The following VAV2 variants were observed in gnomAD, a reference collection of about 807,000 sequenced individuals.
VAV2 encodes the protein guanine nucleotide exchange factor VAV2.
In VAV2, 67 loss-of-function variants were observed where a neutral mutation model predicts 132.5. That is an observed-to-expected ratio of 0.51 (90% CI 0.42 to 0.62). The LOEUF is 0.62. Among genes scored for constraint, VAV2 ranks in the 20% least tolerant of loss-of-function variants. The pLI, the probability that VAV2 is intolerant of heterozygous loss-of-function variation, is 0.00. For synonymous variants in VAV2, 492 were observed against 443.5 expected (o/e 1.11, Z -1.37); for missense variants, 938 against 1,153.6 (o/e 0.81, Z 2.71).
At chr9:133,781,932 A>G (rs1241424225) in intron 19 of VAV2, among the ~76,000 whole-genome samples, 5 of 151,916 alleles carry the variant, frequency 3.3e-5, no homozygotes, top group African/African-American at 1.2e-4. Flanking sequence ...TCAAAACCAT[A>G]CAGAGATGGG....
In VAV2 at chr9:133,936,057, C is replaced by T. The variant is rs376359889; in HGVS notation, c.321+3046G>A. Reference sequence around the variant, plus strand: ...GAGACCCTGCACACATGGCTTGACCCGCTCAAGGGAACTTTGAGGGTGGGA... The same window carrying T: ...GAGACCCTGCACACATGGCTTGACCTGCTCAAGGGAACTTTGAGGGTGGGA... On this transcript the variant is annotated intron_variant, in intron 2 of 29. Transcript: ENST00000371850. Among the ~76,000 whole-genome samples, 717 of 152,272 alleles carry T rather than the reference C, an allele frequency of 4.7e-3. 7 individuals are homozygous for T. The highest frequency in any genetic ancestry group is 0.017 in the African/African-American group (695 of 41,534).
chr9:133,973,249 C>T (rs935020040), intron 1 of VAV2, among the ~76,000 whole-genome samples: 5 of 152,304 alleles, frequency 3.3e-5, no homozygotes, highest in African/African-American at 9.6e-5. Flanking sequence ...GCGCTCAGCC[C>T]GCCCAGAGCG....
intron 1 of VAV2, among the ~76,000 whole-genome samples, chr9:133,967,492 C>T (rs976419093): frequency 6.6e-6 from 1 of 152,146 alleles, no homozygotes; most frequent in Non-Finnish European, 1.5e-5. Flanking sequence ...ACCTAAATAT[C>T]AGTGAATGAA....
rs1191321726 is a variant in VAV2, at chr9:133,833,065, C to A, written c.449+1207G>T. Among the ~76,000 whole-genome samples the A allele has an allele frequency of 6.6e-6, 1 of 152,120 alleles. No individual in the cohort carries two copies. Among genetic ancestry groups the A allele is most frequent in the African/African-American group, 2.4e-5 (1 of 41,428 alleles). ...CTGGCCAGTGGGATTTGCCAAGGAC[C>A]CCGTGGCCAGCCCAGCATCAAAGGG... On this transcript the variant is annotated intron_variant, in intron 4 of 29. Coordinates refer to ENST00000371850, the MANE Select transcript of VAV2 (RefSeq NM_001134398.2). This position sits in a 1 kb window ranked among gnomAD's most constrained non-coding sequence, Gnocchi z 5.6.
At chr9:133,853,860 T>C (rs914210502) in intron 3 of VAV2, among the ~76,000 whole-genome samples, 4 of 151,940 alleles carry the variant, frequency 2.6e-5, no homozygotes, top group Non-Finnish European at 5.9e-5. Context: ...CCAGGGAGGA[T>C]CCAAAACACT....
intron 20 of VAV2, 149 bp downstream of exon 20, chr9:133,780,545 C>G: frequency 1.0e-6 from 1 of 969,242 alleles, no homozygotes; most frequent in Non-Finnish European, 1.4e-6. Context: ...CCAAGGAAAG[C>G]AGAGGCATCT....
chr9:133,861,200 C>A (rs771154179), intron 3 of VAV2, 174 bp downstream of exon 3: 1 of 620,018 alleles, frequency 1.6e-6, no homozygotes, highest in Non-Finnish European at 2.6e-6. Flanking sequence ...AGCCTCCCGC[C>A]CCCCACACCC....
chr9:133,808,789 C>T (rs1400939253), intron 7 of VAV2, among the ~76,000 whole-genome samples: 1 of 152,204 alleles, frequency 6.6e-6, no homozygotes, highest in African/African-American at 2.4e-5. Context: ...GTAATCCCAC[C>T]CCGATTAAGC....
At chr9:133,932,526 C>A (rs1588389443) in intron 2 of VAV2, among the ~76,000 whole-genome samples, 1 of 152,160 alleles carries the variant, frequency 6.6e-6, no homozygotes, top group Non-Finnish European at 1.5e-5. Context: ...CTGGAACTTG[C>A]GGGGTGAGTG....
intron 13 of VAV2, among the ~76,000 whole-genome samples, chr9:133,791,103 G>C (rs1380414526): frequency 2.0e-5 from 3 of 152,214 alleles, no homozygotes; most frequent in African/African-American, 7.2e-5. Flanking sequence ...CAGCAGTGCT[G>C]AGGTGGAGAA....
chr9:133,953,560 T>C (rs1347779446), intron 1 of VAV2, among the ~76,000 whole-genome samples: 1 of 152,054 alleles, frequency 6.6e-6, no homozygotes, highest in African/African-American at 2.4e-5. Context: ...TCAGGGCTCT[T>C]TGGGAAGCAA....
Position 133,783,532 on chromosome 9 carries a change from C to T in VAV2, c.1694G>A (p.Cys565Tyr). Residue 565 changes from cysteine to tyrosine, a missense_variant, in exon 19 of 30, where the codon TGC (cysteine) becomes TAC (tyrosine). Transcript: ENST00000371850. The stretch of plus-strand genomic sequence containing the variant: ...CTTGCAGGGAGGTATCACTTCCAGG[C>T]ACTCCTTGTGTGCCCCGACGCCACA... The part of the protein sequence containing the change: ...TKCGVGAHKE[C>Y]LEVIPPCKFT... 1.2e-6 allele frequency: 2 copies of T among 1,613,906 alleles called. No homozygotes were observed. Among genetic ancestry groups the T allele is most frequent in the Non-Finnish European group, 1.7e-6 (2 of 1,179,960 alleles).
rs534529575 is a variant in VAV2 at position 133,810,111 on chromosome 9, G to A, written c.567+80C>T. On this transcript the variant is annotated intron_variant, in intron 6 of 29. Transcript: ENST00000371850. ...GGGGGCAGGGTCCCGAGTTTTCTCA[G>A]AGAGGTCTGAGACCTCCCTGAAAGG... 6.9e-6 allele frequency: 11 copies of A among 1,598,888 alleles called. No individual in the cohort carries two copies. In the African/African-American group the frequency reaches 1.2e-4, roughly 18 times the overall value.
chr9:133,936,616 G>C (rs1375632011), intron 2 of VAV2, among the ~76,000 whole-genome samples: 1 of 152,178 alleles, frequency 6.6e-6, no homozygotes, highest in African/African-American at 2.4e-5. Flanking sequence ...GTGGAAGTCT[G>C]GACTTGTTTT....
In VAV2 at chr9:133,887,776, C is replaced by T. The variant is rs148254216; in HGVS notation, c.322-26344G>A. Among the ~76,000 whole-genome samples the T allele has an allele frequency of 3.2e-3, 494 of 152,256 alleles. 1 individual carries two copies. The highest frequency in any genetic ancestry group is 5.8e-3 in the Non-Finnish European group (397 of 68,004). On this transcript the variant is annotated intron_variant, in intron 2 of 29. Transcript: ENST00000371850. ...CAGCGAGGCCAGGAACCGCCCCTGC[C>T]CCTGCCTCTGCCTCCCATCCCCCGC...
intron 3 of VAV2, among the ~76,000 whole-genome samples, chr9:133,856,700 G>C (rs10993830): frequency 0.18 from 26,722 of 152,078 alleles, 2,445 homozygotes; most frequent in African/African-American, 0.2. Context: ...GTATCGAGGG[G>C]CTGGTCCCTT....
At chr9:133,771,843 G>T in intron 26 of VAV2, 116 bp downstream of exon 26, 1 of 981,632 alleles carries the variant, frequency 1.0e-6, no homozygotes, top group African/African-American at 1.6e-5. Flanking sequence ...CTAAATCTTG[G>T]CCACACTGGG....
At position 133,828,373 on chromosome 9, in the gene VAV2, C is replaced by T. The variant is rs111663841; in HGVS notation, c.449+5899G>A. Among the ~76,000 whole-genome samples, 9 of 8,250 alleles carry T rather than the reference C, an allele frequency of 1.1e-3. 1 individual carries two copies. The South Asian group carries it at 0.013, about 12-fold the overall frequency. The allele number at this position is 8,250 out of a possible 152,430, so 5.4% of individuals were successfully genotyped here. A position where few individuals can be genotyped will look rare whatever the true frequency, so the allele number is the denominator to read the frequency against. ...ACTGAGCACGGGCATCACCACCTAC[C>T]GCTGCGCCCACTGGGGCTGACCACT... On this transcript the variant is annotated intron_variant, in intron 4 of 29. Transcript: ENST00000371850.
chr9:133,882,252 A>C (rs1396701622), intron 2 of VAV2, among the ~76,000 whole-genome samples: 6 of 152,250 alleles, frequency 3.9e-5, no homozygotes, highest in African/African-American at 1.4e-4. Context: ...CCTGCAGTGA[A>C]GCAGGTGAAG....
Sources: allele counts gnomAD v4.1 joint callset (sites outside exome capture counted in the v4.1 genomes callset), GRCh38; gene constraint gnomAD v4.1.1; non-coding constraint Gnocchi (gnomAD v3.1); transcripts MANE v1.5; gene names NCBI Gene and HGNC (gene_info 2026-07-23, HGNC 2026-07-21).